The following TMEM230 variants were observed in gnomAD, a reference collection of about 807,000 sequenced individuals.
The protein encoded by TMEM230 is transmembrane protein 230.
A neutral mutation model predicts 15.8 loss-of-function variants in TMEM230; 10 were observed. That is an observed-to-expected ratio of 0.63 (90% CI 0.39 to 1.07). The LOEUF (loss-of-function observed/expected upper bound fraction) is 1.07. Among genes scored for constraint, TMEM230 ranks in the 50% least tolerant of loss-of-function variants. The pLI is 0.01. For synonymous variants in TMEM230, 67 were observed against 76.9 expected, an observed-to-expected ratio of 0.87 and a Z score of 0.68; for missense variants, 165 against 193.3, an observed-to-expected ratio of 0.85 and a Z score of 0.87.
intron 3 of TMEM230, among the ~76,000 whole-genome samples, chr20:5,083,461 GT>G (rs1392942931): frequency 3.3e-5 from 5 of 151,872 alleles, no homozygotes; most frequent in Non-Finnish European, 5.9e-5. Context: ...TTGTCTGATG[GT>G]TTTTTGGCTT....
At chr20:5,069,328 C>T in exon 4 of TMEM230, 1 of 1,535,226 alleles carries the variant, frequency 6.5e-7, no homozygotes, top group South Asian at 1.2e-5. Context: ...TTCTTTTGTT[C>T]CCGTGAGGTG....
At position 5,100,638 on chromosome 20, in the gene TMEM230, T is replaced by C; in HGVS notation, c.*153A>G. 6.9e-7 allele frequency: 1 copy of C among 1,441,452 alleles called. No individual in the cohort carries two copies. The allele number at this position is 1,441,452 out of a possible 1,614,324, so 89.3% of individuals were successfully genotyped here. On this transcript the variant is annotated 3_prime_UTR_variant, in exon 5 of 5. Coordinates refer to ENST00000342308, the MANE Select transcript of TMEM230 (RefSeq NM_001009923.2). The stretch of plus-strand genomic sequence containing the variant: ...CTAATTAGCTAACTGTAGGTTCACT[T>C]AACATCTTTGGGAAGGACCCAAAAA...
At chr20:5,111,893 C>A (rs1568512688) in intron 1 of TMEM230, 1 of 656,690 alleles carries the variant, frequency 1.5e-6, no homozygotes, top group Non-Finnish European at 1.9e-6. Flanking sequence ...GTCACCCAGG[C>A]TAGAGTTTAG....
chr20:5,065,298 A>G (rs759356564), downstream of TMEM230, among the ~76,000 whole-genome samples: 11 of 152,242 alleles, frequency 7.2e-5, no homozygotes, highest in Non-Finnish European at 1.6e-4. Flanking sequence ...ATAACCCATG[A>G]GTATCATGAA....
At chr20:5,082,179 A>G (rs1229489920) in intron 3 of TMEM230, among the ~76,000 whole-genome samples, 1 of 150,236 alleles carries the variant, frequency 6.7e-6, no homozygotes, top group East Asian at 2.0e-4. Context: ...CCAGCCATTC[A>G]CTGAAATTTT....
chr20:5,098,136 C>T (rs1311025646), downstream of TMEM230, among the ~76,000 whole-genome samples: 1 of 151,948 alleles, frequency 6.6e-6, no homozygotes, highest in Non-Finnish European at 1.5e-5. Context: ...TGTCACCACG[C>T]CCAACTAATT....
chr20:5,074,250 G>A (rs1233344577), intron 3 of TMEM230, among the ~76,000 whole-genome samples: 1 of 152,138 alleles, frequency 6.6e-6, no homozygotes, highest in East Asian at 1.9e-4. Context: ...CTGCCTAAAA[G>A]CAGAACATAA....
chr20:5,073,497 C>T (rs2088892985), intron 3 of TMEM230, among the ~76,000 whole-genome samples: 2 of 152,218 alleles, frequency 1.3e-5, no homozygotes, highest in African/African-American at 4.8e-5. Context: ...GAGGGCAGGA[C>T]CAGAGCCAGG....
At chr20:5,112,912 G>A (rs894913377) in intron 1 of TMEM230, 49 bp downstream of exon 1, 40 of 1,548,952 alleles carry the variant, frequency 2.6e-5, no homozygotes, top group Non-Finnish European at 3.2e-5. Flanking sequence ...GACACGCCCA[G>A]AGCCCGAGAG....
At position 5,069,440 on chromosome 20, in the gene TMEM230, GC is replaced by G. The variant is rs1431739719; in HGVS notation, c.223-92del. 115 of 1,328,036 alleles carry G rather than the reference GC, an allele frequency of 8.7e-5. No individual in the cohort carries two copies. The Middle Eastern group carries it at 1.7e-3, about 19-fold the overall frequency. The allele number at this position is 1,328,036 out of a possible 1,614,324, so 82.3% of individuals were successfully genotyped here. ...TAATTGTCAAGAAATCACATCTTATGCATTTTGGTGCTCCACAACACTTCCT... is the reference window on the plus strand; with the variant it reads ...TAATTGTCAAGAAATCACATCTTATGATTTTGGTGCTCCACAACACTTCCT... On this transcript the variant is annotated intron_variant, in intron 3 of 3. Coordinates refer to the TMEM230 transcript ENST00000612323.
chr20:5,082,995 T>G (rs1458803510), intron 3 of TMEM230, among the ~76,000 whole-genome samples: 1 of 150,722 alleles, frequency 6.6e-6, no homozygotes, highest in African/African-American at 2.4e-5. Context: ...TGGCGCGATC[T>G]CGGCTCATTG....
chr20:5,082,428 T>A (rs1000852057), intron 3 of TMEM230, among the ~76,000 whole-genome samples: 5 of 151,742 alleles, frequency 3.3e-5, no homozygotes, highest in African/African-American at 4.8e-5. Context: ...TTTAGTTTTT[T>A]AAAAAATAAC....
At chr20:5,097,434 T>C (rs564520949), downstream of TMEM230, among the ~76,000 whole-genome samples, 1 of 152,226 alleles carries the variant, frequency 6.6e-6, no homozygotes, top group African/African-American at 2.4e-5. Context: ...TTTAAAAAAG[T>C]TAGGATATAT....
chr20:5,110,247 A>G (rs922071099), intron 2 of TMEM230, among the ~76,000 whole-genome samples: 7 of 150,364 alleles, frequency 4.7e-5, no homozygotes, highest in Admixed American at 4.0e-4. Flanking sequence ...TAAGTAACGA[A>G]CTGGTTTTCA....
the TMEM230 span, among the ~76,000 whole-genome samples, chr20:5,062,032 C>A: frequency 1.3e-5 from 2 of 151,166 alleles, no homozygotes; most frequent in Admixed American, 6.6e-5. Context: ...AACAGCCTGG[C>A]CAACATGGTG....
chr20:5,103,107 TA>T (rs1459938478), intron 4 of TMEM230, among the ~76,000 whole-genome samples: 1 of 152,212 alleles, frequency 6.6e-6, no homozygotes, highest in Non-Finnish European at 1.5e-5. Flanking sequence ...CTCACGCCTG[TA>T]ATCCCAGTAC....
chr20:5,096,113 C>T (rs962491045), downstream of TMEM230, among the ~76,000 whole-genome samples: 6 of 152,222 alleles, frequency 3.9e-5, no homozygotes, highest in African/African-American at 1.4e-4. Context: ...AATCAACCCT[C>T]GCTCCTGCCG....
intron 3 of TMEM230, among the ~76,000 whole-genome samples, chr20:5,071,579 C>T (rs930563090): frequency 1.3e-5 from 2 of 148,678 alleles, no homozygotes; most frequent in African/African-American, 2.5e-5. Flanking sequence ...GCCAAGATCG[C>T]GCCATTGCAC....
chr20:5,099,462 C>T (rs1077045), downstream of TMEM230, among the ~76,000 whole-genome samples: 689 of 151,084 alleles, frequency 4.6e-3, 4 homozygotes, highest in African/African-American at 0.016. Flanking sequence ...CTTTGTCCCT[C>T]ACTTCCTGAG....
Sources: gnomAD v4.1 joint callset for allele counts (sites outside exome capture counted in the v4.1 genomes callset) on GRCh38, gnomAD v4.1.1 for gene constraint, MANE v1.5 for transcripts, NCBI Gene and HGNC (gene_info 2026-07-23, HGNC 2026-07-21) for gene names.